Variants in NCK2 observed in about 807,000 individuals in gnomAD.
The protein encoded by NCK2 is NCK adaptor protein 2.
NCK2 carries 16 observed loss-of-function variants against 33.9 expected under a neutral mutation model. That is an observed-to-expected ratio of 0.47 (90% CI 0.32 to 0.72). The LOEUF is 0.72. NCK2 is among the 30% of genes least tolerant of loss of function. The pLI, the probability that NCK2 is intolerant of heterozygous loss-of-function variation, is 0.03. For missense variants in NCK2, 418 were observed against 537.3 expected (o/e 0.78, Z 2.19); for synonymous variants, 273 against 239.9 (o/e 1.14, Z -1.27).
At chr2:105,883,325 C>CT (rs1678584897) in intron 4 of NCK2, among the ~76,000 whole-genome samples, 1 of 152,196 alleles carries the variant, frequency 6.6e-6, no homozygotes, top group Admixed American at 6.5e-5. Flanking sequence ...GACAGCAGCG[C>CT]TTTTAACTCA....
chr2:105,857,040 T>C (rs1342983793), intron 3 of NCK2: 1 of 56,520 alleles, frequency 1.8e-5, no homozygotes, highest in Non-Finnish European at 3.3e-5. Context: ...CTTTTTTTTT[T>C]TTTTTTTTTG....
At position 105,873,330 on chromosome 2, in the gene NCK2, G is replaced by C. The variant is rs150504236; in HGVS notation, c.227-7998G>C. On this transcript the variant is annotated intron_variant, in intron 3 of 4. Transcript: ENST00000233154. ...GGCCCACCCTAAGTCAACTCTGAGA[G>C]CCCCCAGAAAATCGAGGTTACATCA... Among the ~76,000 whole-genome samples, 467 of 152,254 alleles carry C rather than the reference G, an allele frequency of 3.1e-3. 1 individual carries two copies. Among genetic ancestry groups the C allele is most frequent in the African/African-American group, 9.7e-3 (403 of 41,540 alleles).
chr2:105,757,054 C>T (rs1192935513), intron 1 of NCK2, among the ~76,000 whole-genome samples: 1 of 152,152 alleles, frequency 6.6e-6, no homozygotes, highest in Non-Finnish European at 1.5e-5. Context: ...ATCTGCCTGC[C>T]TCGGCCTCCC....
intron 1 of NCK2, among the ~76,000 whole-genome samples, chr2:105,771,533 C>T (rs34261181): frequency 0.22 from 33,400 of 152,092 alleles, 4,168 homozygotes; most frequent in Middle Eastern, 0.38. Context: ...CCACTGTACT[C>T]CAGCCTGGGC....
At chr2:105,825,454 T>C (rs912052302) in intron 2 of NCK2, among the ~76,000 whole-genome samples, 2 of 152,258 alleles carry the variant, frequency 1.3e-5, no homozygotes, top group African/African-American at 2.4e-5. Flanking sequence ...TAACAAAATA[T>C]AATGGAGAAG....
intron 3 of NCK2, among the ~76,000 whole-genome samples, chr2:105,868,350 C>T (rs1677842982): frequency 6.6e-6 from 1 of 152,178 alleles, no homozygotes; most frequent in Non-Finnish European, 1.5e-5. Flanking sequence ...ACCCCCACAG[C>T]TGTGAGAGCC....
intron 1 of NCK2, among the ~76,000 whole-genome samples, chr2:105,794,814 G>T (rs1322335793): frequency 6.6e-6 from 1 of 152,034 alleles, no homozygotes; most frequent in Admixed American, 6.6e-5. Flanking sequence ...GGGTTCAAGC[G>T]ATTCTCCTGC....
At chr2:105,752,503 A>G (rs2104332185) in intron 1 of NCK2, among the ~76,000 whole-genome samples, 1 of 152,334 alleles carries the variant, frequency 6.6e-6, no homozygotes, top group South Asian at 2.1e-4. Context: ...TATTCAACAC[A>G]TTTCCTTTTA....
At chr2:105,777,974 G>GA (rs1230663109) in intron 1 of NCK2, among the ~76,000 whole-genome samples, 1 of 152,276 alleles carries the variant, frequency 6.6e-6, no homozygotes, top group East Asian at 1.9e-4. Context: ...TTTTGTTTGA[G>GA]ACCTGGACTT....
At chr2:105,759,860 A>G (rs1355497630) in intron 1 of NCK2, among the ~76,000 whole-genome samples, 4 of 152,186 alleles carry the variant, frequency 2.6e-5, no homozygotes, top group African/African-American at 4.8e-5. Flanking sequence ...GAGTTGTCAG[A>G]TGTTTTTTCA....
intron 3 of NCK2, chr2:105,857,299 A>T (rs1377240450): frequency 6.6e-6 from 1 of 152,282 alleles, no homozygotes; most frequent in Non-Finnish European, 1.5e-5. Flanking sequence ...AGGCTCTCAG[A>T]CTGAGCCAGC....
chr2:105,877,399 C>T lies in NCK2; in HGVS notation c.227-3929C>T, dbSNP rs1678284591. Reference sequence around the variant, plus strand: ...TCAGGGTGCAGGGAGGAGAAGGGACCTGCTTTCTCAGCAACCCAGCAACTT... The same window carrying T: ...TCAGGGTGCAGGGAGGAGAAGGGACTTGCTTTCTCAGCAACCCAGCAACTT... On this transcript the variant is annotated intron_variant, in intron 3 of 4. Coordinates refer to ENST00000233154, the MANE Select transcript of NCK2 (RefSeq NM_003581.5). Among the ~76,000 whole-genome samples the T allele has an allele frequency of 2.6e-5, 4 of 152,186 alleles. 1 individual carries two copies. The South Asian group carries it at 8.3e-4, about 31-fold the overall frequency.
chr2:105,795,820 C>T (rs894173962), intron 1 of NCK2, among the ~76,000 whole-genome samples: 1 of 152,200 alleles, frequency 6.6e-6, no homozygotes, highest in Non-Finnish European at 1.5e-5. Context: ...ACCTCTCCCT[C>T]CTCCCTAACT....
At chr2:105,764,304 A>G (rs1689862990) in intron 1 of NCK2, among the ~76,000 whole-genome samples, 1 of 152,230 alleles carries the variant, frequency 6.6e-6, no homozygotes, top group Non-Finnish European at 1.5e-5. Flanking sequence ...CTGTGGGCAG[A>G]CATCCCACAT....
chr2:105,876,169 G>A (rs1389198784), intron 3 of NCK2, among the ~76,000 whole-genome samples: 2 of 152,198 alleles, frequency 1.3e-5, no homozygotes, highest in Non-Finnish European at 2.9e-5. Context: ...AAAGCATGCT[G>A]CTGTGACACC....
At chr2:105,767,894 C>T (rs1365462076) in intron 1 of NCK2, among the ~76,000 whole-genome samples, 1 of 152,134 alleles carries the variant, frequency 6.6e-6, no homozygotes, top group Non-Finnish European at 1.5e-5. Flanking sequence ...CTAATTCCTT[C>T]CCTCTCTATT....
chr2:105,778,842 C>T (rs188229965), intron 1 of NCK2, among the ~76,000 whole-genome samples: 4 of 152,174 alleles, frequency 2.6e-5, no homozygotes, highest in East Asian at 1.9e-4. Flanking sequence ...CCTGCCTCAG[C>T]TTCCCAAGTA....
At chr2:105,860,561 A>T in intron 3 of NCK2, among the ~76,000 whole-genome samples, 1 of 152,140 alleles carries the variant, frequency 6.6e-6, no homozygotes, top group Non-Finnish European at 1.5e-5. Flanking sequence ...ATGTAGTCAG[A>T]ACCGCATGGG....
At chr2:105,793,429 T>G in intron 1 of NCK2, among the ~76,000 whole-genome samples, 1 of 151,344 alleles carries the variant, frequency 6.6e-6, no homozygotes, top group South Asian at 2.1e-4. Flanking sequence ...TCAGCTGGTC[T>G]GGTCAGGCAG....
Sources: allele counts gnomAD v4.1 joint callset (sites outside exome capture counted in the v4.1 genomes callset), GRCh38; gene constraint gnomAD v4.1.1; transcripts MANE v1.5; gene names NCBI Gene and HGNC (gene_info 2026-07-23, HGNC 2026-07-21).